PHTF2: variants seen among roughly 807,000 people sequenced by gnomAD.
The protein encoded by PHTF2 is putative homeodomain transcription factor 2.
A neutral mutation model predicts 101.2 loss-of-function variants in PHTF2; 60 were observed. The ratio of observed to expected loss-of-function variants is 0.59; its 90% CI spans 0.48 to 0.73. PHTF2 has a LOEUF of 0.73. Among genes scored for constraint, PHTF2 ranks in the 30% least tolerant of loss-of-function variants. The pLI is 0.00. For missense variants in PHTF2, 747 were observed against 908.7 expected, an observed-to-expected ratio of 0.82 and a Z score of 2.29; for synonymous variants, 311 against 307.3, an observed-to-expected ratio of 1.01 and a Z score of -0.13.
intron 3 of PHTF2, among the ~76,000 whole-genome samples, chr7:77,888,391 C>A (rs189441657): frequency 2.6e-5 from 4 of 152,298 alleles, no homozygotes; most frequent in Non-Finnish European, 5.9e-5. Context: ...GCTGGGATTA[C>A]GGGCATGAGC....
At position 77,927,193 on chromosome 7, in the gene PHTF2, TATACATAC is replaced by T. The variant is rs1212497476; in HGVS notation, c.1120-1914_1120-1907del. On this transcript the variant is annotated intron_variant, in intron 11 of 19. Coordinates refer to ENST00000416283, the Ensembl canonical transcript of PHTF2. ...AAAAAAAAAAATATATATATATATA[TATACATAC>T]ACACACACACACACACACACACAAA... is the stretch of plus-strand genomic sequence containing the variant. Among the ~76,000 whole-genome samples, 858 of 93,450 alleles carry T rather than the reference TATACATAC, an allele frequency of 9.2e-3. 8 individuals are homozygous for T. Among genetic ancestry groups the T allele is most frequent in the African/African-American group, 0.02 (618 of 30,788 alleles). 61.3% of individuals were successfully genotyped at this position (93,450 alleles called of 152,430 possible).
intron 16 of PHTF2, among the ~76,000 whole-genome samples, chr7:77,946,020 T>C (rs1195053462): frequency 2.0e-5 from 3 of 152,090 alleles, no homozygotes; most frequent in Non-Finnish European, 1.5e-5. Flanking sequence ...AGTATGAAAA[T>C]GGGAAACTGA....
chr7:77,841,450 A>T (rs1350563720), intron 2 of PHTF2, among the ~76,000 whole-genome samples: 1 of 152,002 alleles, frequency 6.6e-6, no homozygotes, highest in Non-Finnish European at 1.5e-5. Flanking sequence ...AGTTAGACAA[A>T]CTAAGAATAT....
At chr7:77,819,689 GT>G (rs1794122454) in intron 1 of PHTF2, among the ~76,000 whole-genome samples, 1 of 152,186 alleles carries the variant, frequency 6.6e-6, no homozygotes, top group African/African-American at 2.4e-5. Flanking sequence ...TTAGCCTGCA[GT>G]TTTCTTCTTT....
At chr7:77,889,612 G>A (rs1270133801) in intron 3 of PHTF2, among the ~76,000 whole-genome samples, 1 of 119,362 alleles carries the variant, frequency 8.4e-6, no homozygotes, top group Non-Finnish European at 1.7e-5. Flanking sequence ...TTTTTTTTGA[G>A]ACGGAGTCTT....
At chr7:77,857,182 G>C (rs1797250830) in intron 3 of PHTF2, among the ~76,000 whole-genome samples, 1 of 152,146 alleles carries the variant, frequency 6.6e-6, no homozygotes, top group South Asian at 2.1e-4. Flanking sequence ...AATTAGAGCT[G>C]ATAGGAAAGA....
chr7:77,940,762 T>C, intron 15 of PHTF2, 103 bp downstream of exon 14: 2 of 762,070 alleles, frequency 2.6e-6, no homozygotes, highest in Non-Finnish European at 3.9e-6. Context: ...AGTAACCAGC[T>C]TTTACTCATT....
chr7:77,803,074 A>T (rs1792684248), intron 1 of PHTF2, among the ~76,000 whole-genome samples: 1 of 152,236 alleles, frequency 6.6e-6, no homozygotes, highest in Admixed American at 6.5e-5. Context: ...GTGAGTTTTC[A>T]GATGAGAACA....
At chr7:77,835,155 T>A (rs1358485613) in intron 1 of PHTF2, among the ~76,000 whole-genome samples, 2 of 151,412 alleles carry the variant, frequency 1.3e-5, no homozygotes, top group African/African-American at 4.9e-5. Context: ...GCGCCTGTAG[T>A]CCTAGCTACT....
chr7:77,839,926 G>A lies in PHTF2; in HGVS notation c.-35-295G>A, dbSNP rs1795742038. ...TGGATTTTTAGATGAACAATTTCTG[G>A]TATAACCTAGGAAATTCTGAAATTT... is the stretch of plus-strand genomic sequence containing the variant. On this transcript the variant is annotated intron_variant, in intron 1 of 19. Transcript: ENST00000416283. 3.3e-5 allele frequency among the ~76,000 whole-genome samples: 5 copies of A among 151,978 alleles called. No individual in the cohort carries two copies. In the South Asian group the frequency reaches 1.0e-3, roughly 32 times the overall value.
chr7:77,857,129 G>T (rs1447791704), intron 3 of PHTF2, among the ~76,000 whole-genome samples: 1 of 152,166 alleles, frequency 6.6e-6, no homozygotes, highest in Non-Finnish European at 1.5e-5. Flanking sequence ...ATCAGTCCAG[G>T]TATGCGCAGT....
chr7:77,850,528 A>G (rs1266778302), intron 2 of PHTF2, among the ~76,000 whole-genome samples: 1 of 151,130 alleles, frequency 6.6e-6, no homozygotes, highest in Non-Finnish European at 1.5e-5. Context: ...TGTAGTTGCA[A>G]CTACTTGGGA....
chr7:77,889,500 C>T (rs796359588), intron 3 of PHTF2, among the ~76,000 whole-genome samples: 3 of 152,012 alleles, frequency 2.0e-5, no homozygotes, highest in South Asian at 2.1e-4. Context: ...TAACCAGCGT[C>T]CTCACAAAAA....
intron 13 of PHTF2, among the ~76,000 whole-genome samples, chr7:77,938,592 G>A (rs545291253): frequency 4.0e-5 from 6 of 148,836 alleles, no homozygotes; most frequent in African/African-American, 1.2e-4. Context: ...TTAGCCAGGC[G>A]TGGTGAAACC....
intron 7 of PHTF2, among the ~76,000 whole-genome samples, chr7:77,907,017 A>G (rs1801929104): frequency 6.6e-6 from 1 of 151,792 alleles, no homozygotes; most frequent in Non-Finnish European, 1.5e-5. Flanking sequence ...AATGTTTTAC[A>G]TGCACTACCT....
chr7:77,911,275 T>C (rs1158362100), intron 9 of PHTF2, among the ~76,000 whole-genome samples: 1 of 151,870 alleles, frequency 6.6e-6, no homozygotes, highest in Non-Finnish European at 1.5e-5. Flanking sequence ...AAAAATGGCT[T>C]TTTGCATACA....
chr7:77,924,017 A>C, intron 11 of PHTF2: 2 of 896,582 alleles, frequency 2.2e-6, no homozygotes, highest in Non-Finnish European at 2.7e-6. Flanking sequence ...TAAATATAAA[A>C]TATGGCTATA....
intron 11 of PHTF2, among the ~76,000 whole-genome samples, chr7:77,924,386 C>G (rs753156971): frequency 4.0e-5 from 6 of 151,732 alleles, no homozygotes; most frequent in Non-Finnish European, 8.8e-5. Flanking sequence ...CCAAAAAAAA[C>G]AAAAACAAAA....
chr7:77,832,467 G>A (rs1795144432), intron 1 of PHTF2, among the ~76,000 whole-genome samples: 1 of 152,190 alleles, frequency 6.6e-6, no homozygotes, highest in African/African-American at 2.4e-5. Flanking sequence ...AGGATCAACT[G>A]CTTAAGGTCA....
Sources: gnomAD v4.1 joint callset for allele counts (sites outside exome capture counted in the v4.1 genomes callset) on GRCh38, gnomAD v4.1.1 for gene constraint, MANE v1.5 for transcripts, NCBI Gene and HGNC (gene_info 2026-07-23, HGNC 2026-07-21) for gene names.